Variants in PCSK5 observed in about 807,000 individuals in gnomAD.
PCSK5 encodes proprotein convertase subtilisin/kexin type 5.
In PCSK5, 129 loss-of-function variants were observed where a neutral mutation model predicts 233.2. The ratio of observed to expected loss-of-function variants is 0.55; its 90% CI spans 0.48 to 0.64. The LOEUF (loss-of-function observed/expected upper bound fraction) is 0.64. PCSK5 is among the 30% of genes least tolerant of loss of function. PCSK5 has a pLI of 0.00. For missense variants in PCSK5, 2,076 were observed against 2,430.1 expected (o/e 0.85, Z 3.06); for synonymous variants, 825 against 879.2 (o/e 0.94, Z 1.09).
intron 5 of PCSK5, among the ~76,000 whole-genome samples, chr9:76,040,005 A>G (rs1323512805): frequency 6.6e-6 from 1 of 152,204 alleles, no homozygotes; most frequent in Non-Finnish European, 1.5e-5. Context: ...ATAATAATTT[A>G]TCTAGAGTTT....
intron 9 of PCSK5, among the ~76,000 whole-genome samples, chr9:76,116,044 T>C (rs1832411002): frequency 6.6e-6 from 1 of 152,072 alleles, no homozygotes; most frequent in Non-Finnish European, 1.5e-5. Flanking sequence ...CCAACATTCT[T>C]TTTTTCCTCT....
intron 35 of PCSK5, among the ~76,000 whole-genome samples, chr9:76,340,944 G>C (rs1298530973): frequency 6.6e-6 from 1 of 151,888 alleles, no homozygotes; most frequent in Non-Finnish European, 1.5e-5. Context: ...GCCAGGTGCA[G>C]TGGCTAATAC....
chr9:76,175,769 TAAAA>T (rs528405436), intron 14 of PCSK5, among the ~76,000 whole-genome samples: 1 of 151,912 alleles, frequency 6.6e-6, no homozygotes, highest in African/African-American at 2.4e-5. Flanking sequence ...GAAAAAAAAG[TAAAA>T]AAAAGAAAGA....
At chr9:76,086,060 A>G (rs777829144) in intron 7 of PCSK5, among the ~76,000 whole-genome samples, 1 of 152,204 alleles carries the variant, frequency 6.6e-6, no homozygotes, top group Non-Finnish European at 1.5e-5. Flanking sequence ...CAGTTTCAAC[A>G]TTGGTAATCA....
At chr9:76,127,194 G>A (rs1822544343) in intron 9 of PCSK5, among the ~76,000 whole-genome samples, 2 of 152,102 alleles carry the variant, frequency 1.3e-5, no homozygotes, top group Non-Finnish European at 2.9e-5. Context: ...GCCTCTCCAG[G>A]GGTTTAACTA....
rs540274381 is a variant in PCSK5 at position 76,013,542 on chromosome 9, T to C, written c.412-10196T>C. On this transcript the variant is annotated intron_variant, in intron 3 of 37. Coordinates refer to ENST00000674117, the MANE Select transcript of PCSK5 (RefSeq NM_001372043.1). ...CCTTCAGTAAAAATTTGTGAGAACT[T>C]GAAATGTGATAGGACTTGGAGAGTA... Among the ~76,000 whole-genome samples, 66 of 152,316 alleles carry C rather than the reference T, an allele frequency of 4.3e-4. No homozygotes were observed. The East Asian group carries it at 0.01, about 23-fold the overall frequency.
At chr9:76,088,776 C>A (rs1831165490) in intron 7 of PCSK5, among the ~76,000 whole-genome samples, 1 of 152,168 alleles carries the variant, frequency 6.6e-6, no homozygotes, top group African/African-American at 2.4e-5. Context: ...AGAATGCTTT[C>A]TCCCACCAAG....
intron 24 of PCSK5, among the ~76,000 whole-genome samples, chr9:76,246,034 C>T (rs1238637823): frequency 3.4e-5 from 2 of 58,274 alleles, no homozygotes; most frequent in Non-Finnish European, 8.6e-5. Context: ...ATGGGAAATG[C>T]AAATTAAAAC....
At chr9:76,025,275 A>G (rs1345689568) in intron 4 of PCSK5, among the ~76,000 whole-genome samples, 1 of 152,092 alleles carries the variant, frequency 6.6e-6, no homozygotes, top group Non-Finnish European at 1.5e-5. Flanking sequence ...GGCTAGGTGC[A>G]GTGGCTCACA....
chr9:75,913,590 G>A (rs1038234682), intron 1 of PCSK5, among the ~76,000 whole-genome samples: 1 of 152,120 alleles, frequency 6.6e-6, no homozygotes, highest in African/African-American at 2.4e-5. Context: ...CTTCCAATGA[G>A]TTTTTAGATA....
chr9:76,231,827 G>C (rs1340061485), intron 21 of PCSK5, among the ~76,000 whole-genome samples: 2 of 152,168 alleles, frequency 1.3e-5, no homozygotes, highest in East Asian at 3.8e-4. Flanking sequence ...GTGTGTGAGT[G>C]TCTGTTTAGG....
intron 6 of PCSK5, among the ~76,000 whole-genome samples, chr9:76,069,880 C>T (rs930731812): frequency 3.3e-5 from 5 of 149,922 alleles, no homozygotes; most frequent in Admixed American, 2.7e-4. Context: ...AACATGCAGA[C>T]AAATTTTGAA....
At chr9:75,890,211 A>G (rs1825512804), upstream of PCSK5, among the ~76,000 whole-genome samples, 2 of 152,198 alleles carry the variant, frequency 1.3e-5, no homozygotes. Flanking sequence ...TGTAAAATAA[A>G]CAGCTGCTGA....
At chr9:75,917,913 T>G (rs1367266397) in intron 1 of PCSK5, among the ~76,000 whole-genome samples, 1 of 152,184 alleles carries the variant, frequency 6.6e-6, no homozygotes, top group African/African-American at 2.4e-5. Context: ...ATGGCAGGAC[T>G]TAATGGTTAT....
intron 2 of PCSK5, among the ~76,000 whole-genome samples, chr9:75,977,642 A>T (rs1826082570): frequency 6.7e-6 from 1 of 149,142 alleles, no homozygotes; most frequent in Non-Finnish European, 1.5e-5. Context: ...ACAGAGTCTC[A>T]CTCTGTGACC....
chr9:76,135,224 T>C (rs964976014), intron 10 of PCSK5, among the ~76,000 whole-genome samples: 1 of 152,102 alleles, frequency 6.6e-6, no homozygotes, highest in Non-Finnish European at 1.5e-5. Context: ...TATCATATCT[T>C]ACATATGATC....
chr9:75,903,611 T>G (rs867356880), intron 1 of PCSK5, among the ~76,000 whole-genome samples: 1 of 139,826 alleles, frequency 7.2e-6, no homozygotes, highest in Admixed American at 7.1e-5. Flanking sequence ...TATATATATA[T>G]TATATATATA....
At chr9:76,143,165 A>G (rs1310736695) in intron 10 of PCSK5, among the ~76,000 whole-genome samples, 1 of 152,122 alleles carries the variant, frequency 6.6e-6, no homozygotes, top group Non-Finnish European at 1.5e-5. Flanking sequence ...AGTTTAAACA[A>G]ATGCCTTCTT....
At chr9:75,987,694 G>C (rs1206863453) in intron 3 of PCSK5, among the ~76,000 whole-genome samples, 1 of 152,206 alleles carries the variant, frequency 6.6e-6, no homozygotes, top group African/African-American at 2.4e-5. Context: ...AGGGAAGGCG[G>C]ATCTAAGCAT....
Sources: gnomAD v4.1 joint callset for allele counts (sites outside exome capture counted in the v4.1 genomes callset) on GRCh38, gnomAD v4.1.1 for gene constraint, MANE v1.5 for transcripts, NCBI Gene and HGNC (gene_info 2026-07-23, HGNC 2026-07-21) for gene names.